MEF2C: variants seen among roughly 807,000 people sequenced by gnomAD.
The protein encoded by MEF2C is myocyte enhancer factor 2C.
A neutral mutation model predicts 50.5 loss-of-function variants in MEF2C; 6 were observed. The ratio of observed to expected loss-of-function variants is 0.12; its 90% CI spans 0.07 to 0.23. The LOEUF (loss-of-function observed/expected upper bound fraction) is 0.23. MEF2C is among the 10% of genes least tolerant of loss of function. MEF2C has a pLI of 1.00. For synonymous variants in MEF2C, 183 were observed against 228.0 expected, an observed-to-expected ratio of 0.80 and a Z score of 1.78; for missense variants, 276 against 605.0, an observed-to-expected ratio of 0.46 and a Z score of 5.70.
intron 6 of MEF2C, chr5:88,734,089 T>G: frequency 1.0e-6 from 1 of 983,344 alleles, no homozygotes; most frequent in Non-Finnish European, 1.2e-6. Flanking sequence ...CAAAATGGAG[T>G]GCTTAGAGGA....
intron 1 of MEF2C, among the ~76,000 whole-genome samples, chr5:88,860,375 C>T (rs766477557): frequency 6.6e-6 from 1 of 151,402 alleles, no homozygotes; most frequent in Non-Finnish European, 1.5e-5. Flanking sequence ...GTCTCAATTG[C>T]CAGGAAGCTG....
intron 2 of MEF2C, among the ~76,000 whole-genome samples, chr5:88,809,487 T>C (rs1301473891): frequency 6.6e-6 from 1 of 152,194 alleles, no homozygotes; most frequent in African/African-American, 2.4e-5. Flanking sequence ...CCCTTGTTCA[T>C]ATCAGTTCCT....
intron 1 of MEF2C, among the ~76,000 whole-genome samples, chr5:88,829,544 G>A (rs1180333140): frequency 6.6e-6 from 1 of 151,996 alleles, no homozygotes; most frequent in Non-Finnish European, 1.5e-5. Flanking sequence ...GTTAAGATGT[G>A]TATCTCTCAA....
intron 3 of MEF2C, among the ~76,000 whole-genome samples, chr5:88,797,455 C>CTTTTTTTTT (rs879036291): frequency 6.3e-5 from 4 of 63,310 alleles, no homozygotes; most frequent in Non-Finnish European, 8.5e-5. Flanking sequence ...CAACCCTTGC[C>CTTTTTTTTT]TTTTTTTTTT....
intron 6 of MEF2C, chr5:88,735,153 T>A: frequency 1.0e-6 from 1 of 985,386 alleles, no homozygotes. Flanking sequence ...GGTTTACTGC[T>A]AAGAAGAGCC....
At chr5:88,751,416 T>C in intron 5 of MEF2C, 1 of 982,968 alleles carries the variant, frequency 1.0e-6, no homozygotes, top group Non-Finnish European at 1.2e-6. Flanking sequence ...ACTGTATAAA[T>C]AAAAAAAAAT....
At chr5:88,809,177 T>C (rs1801746744) in intron 2 of MEF2C, among the ~76,000 whole-genome samples, 1 of 152,066 alleles carries the variant, frequency 6.6e-6, no homozygotes, top group Admixed American at 6.6e-5. Context: ...AATCCTAGAG[T>C]AAGGACAGAT....
At chr5:88,749,015 C>A in intron 6 of MEF2C, 55 bp downstream of exon 6, 1 of 1,551,086 alleles carries the variant, frequency 6.4e-7, no homozygotes, top group South Asian at 1.2e-5. Flanking sequence ...TGCAAATCAC[C>A]TAGTAGAAGA....
intron 3 of MEF2C, among the ~76,000 whole-genome samples, chr5:88,800,881 C>T (rs538084964): frequency 5.4e-4 from 82 of 152,040 alleles, no homozygotes; most frequent in Non-Finnish European, 9.9e-4. Context: ...TATATTGTAT[C>T]TAAACAGATA....
chr5:88,811,036 C>G (rs11958689), intron 2 of MEF2C, among the ~76,000 whole-genome samples: 6,051 of 152,122 alleles, frequency 0.04, 180 homozygotes, highest in South Asian at 0.057. Flanking sequence ...TTTTAGCGTT[C>G]TATAGTGGTA....
Position 88,817,546 on chromosome 5 carries a change from A to G in MEF2C, c.54+6189T>C, listed in dbSNP as rs189088495. On this transcript the variant is annotated intron_variant, in intron 2 of 10. Transcript: ENST00000504921. ...CTATGAACTCTGAATTCTTTTAGTC[A>G]TAAGGGGATTCTCCTGTTCTATTAA... is the stretch of plus-strand genomic sequence containing the variant. Among the ~76,000 whole-genome samples the G allele has an allele frequency of 2.0e-4, 30 of 152,104 alleles. No homozygotes were observed. The East Asian group carries it at 4.8e-3, about 25-fold the overall frequency.
At chr5:88,827,388 G>T (rs891695985) in intron 1 of MEF2C, among the ~76,000 whole-genome samples, 1 of 151,864 alleles carries the variant, frequency 6.6e-6, no homozygotes, top group African/African-American at 2.4e-5. Flanking sequence ...AACAATAAAA[G>T]GTGTAAAGGT....
At chr5:88,765,201 A>T (rs199847873) in intron 3 of MEF2C, among the ~76,000 whole-genome samples, 2 of 152,252 alleles carry the variant, frequency 1.3e-5, no homozygotes, top group African/African-American at 4.8e-5. Flanking sequence ...TTTAAAAAAG[A>T]GCATTTTGAG....
chr5:88,826,209 A>G (rs934352699), intron 1 of MEF2C, among the ~76,000 whole-genome samples: 1 of 152,012 alleles, frequency 6.6e-6, no homozygotes, highest in Non-Finnish European at 1.5e-5. Flanking sequence ...AAATTTTGCC[A>G]AAGAGAATGT....
intron 1 of MEF2C, among the ~76,000 whole-genome samples, chr5:88,856,713 G>A (rs116181930): frequency 1.6e-4 from 25 of 152,356 alleles, no homozygotes; most frequent in Non-Finnish European, 2.2e-4. Context: ...CAAGCCTGGC[G>A]GCTTACACGT....
chr5:88,753,130 T>G (rs1773630555), intron 4 of MEF2C, among the ~76,000 whole-genome samples: 1 of 152,226 alleles, frequency 6.6e-6, no homozygotes, highest in South Asian at 2.1e-4. Context: ...TTGCCCTTAG[T>G]GCTGACATCC....
At chr5:88,796,741 T>C (rs1422060232) in intron 3 of MEF2C, among the ~76,000 whole-genome samples, 1 of 152,208 alleles carries the variant, frequency 6.6e-6, no homozygotes, top group Non-Finnish European at 1.5e-5. Flanking sequence ...CTTTCTCACT[T>C]TGTCCTGTAG....
intron 1 of MEF2C, among the ~76,000 whole-genome samples, chr5:88,891,810 T>C (rs1166175659): frequency 6.6e-6 from 1 of 152,128 alleles, no homozygotes; most frequent in Non-Finnish European, 1.5e-5. Context: ...ATTAGTTTTA[T>C]TGTTTTGTTT....
At position 88,735,296 on chromosome 5, in the gene MEF2C, G is replaced by A. The variant is rs143540560; in HGVS notation, c.638-3395C>T. The A allele has an allele frequency of 5.2e-3, 5,095 of 985,306 alleles. 20 individuals carry two copies. The highest frequency in any genetic ancestry group is 5.6e-3 in the Non-Finnish European group (4,635 of 829,896). The allele number at this position is 985,306 out of a possible 1,614,324, so 61.0% of individuals were successfully genotyped here. A position where few individuals can be genotyped will look rare whatever the true frequency, so the allele number is the denominator to read the frequency against. On this transcript the variant is annotated intron_variant, in intron 6 of 10. Transcript: ENST00000504921. ...CGCATTTAAATTCAGGGGTCCGGGA[G>A]GTGGGAAACACCACCTCTCAACAAC... is the stretch of plus-strand genomic sequence containing the variant.
Sources: gnomAD v4.1 joint callset for allele counts (sites outside exome capture counted in the v4.1 genomes callset) on GRCh38, gnomAD v4.1.1 for gene constraint, MANE v1.5 for transcripts, NCBI Gene and HGNC (gene_info 2026-07-23, HGNC 2026-07-21) for gene names.